BRPF3: variants seen among roughly 807,000 people sequenced by gnomAD.
BRPF3 encodes bromodomain and PHD finger-containing protein 3.
BRPF3 carries 18 observed loss-of-function variants against 102.0 expected under a neutral mutation model. The ratio of observed to expected loss-of-function variants is 0.18; its 90% CI spans 0.12 to 0.26. BRPF3 has a LOEUF of 0.26. Among genes scored for constraint, BRPF3 ranks in the 10% least tolerant of loss-of-function variants. BRPF3 has a pLI of 1.00. For missense variants in BRPF3, 1,147 were observed against 1,567.8 expected (o/e 0.73, Z 4.53); for synonymous variants, 570 against 614.2 (o/e 0.93, Z 1.06).
rs1767511576 is a variant in BRPF3, at chr6:36,196,936, G to A, written c.-61G>A. 1.3e-5 allele frequency: 2 copies of A among 151,658 alleles called. No homozygotes were observed. The highest frequency in any genetic ancestry group is 1.5e-5 in the Non-Finnish European group (1 of 67,758). The allele number at this position is 151,658 out of a possible 1,614,324, so 9.4% of individuals were successfully genotyped here. The stretch of plus-strand genomic sequence containing the variant: ...CGGCGGCCTGCCCGCCCGCGCCCAG[G>A]GGCCCCGAACGGTGGGGCCGGGCAG... On this transcript the variant is annotated 5_prime_UTR_variant, in exon 1 of 13. Transcript: ENST00000357641.
Position 36,201,124 on chromosome 6 carries a change from G to T in BRPF3, c.802G>T (p.Asp268Tyr). ...CCLQSPSRPVDCILCPNKGGA... is the reference protein window; with the variant it reads ...CCLQSPSRPVYCILCPNKGGA... Reference sequence around the variant, plus strand: ...CCTGCAGTCTCCCTCCCGGCCTGTGGATTGCATCCTTTGCCCCAATAAGGG... The same window carrying T: ...CCTGCAGTCTCCCTCCCGGCCTGTGTATTGCATCCTTTGCCCCAATAAGGG... The change falls in exon 2 of 13, where the codon GAT becomes TAT. Residue 268 changes from aspartate (D) to tyrosine (Y), a missense_variant. Asp to Tyr is a radical substitution (Grantham distance 160, BLOSUM62 -3). Around this residue, in one of 11 missense-constraint regions of BRPF3, gnomAD observed 221 missense variants for 337.1 expected, o/e 0.66. Transcript: ENST00000357641. This position sits in a 1 kb window ranked among gnomAD's most constrained non-coding sequence, Gnocchi z 5.1. 1 of 1,614,162 alleles carries T rather than the reference G, an allele frequency of 6.2e-7. No individual in the cohort carries two copies. The highest frequency in any genetic ancestry group is 1.1e-5 in the South Asian group (1 of 91,074).
intron 9 of BRPF3, among the ~76,000 whole-genome samples, chr6:36,219,400 A>G (rs1178542371): frequency 5.3e-5 from 8 of 152,198 alleles, no homozygotes; most frequent in Non-Finnish European, 7.3e-5. Flanking sequence ...CCTGGGTTGA[A>G]GTTCCTGACT....
At chr6:36,218,112 C>T (rs1768397633) in intron 9 of BRPF3, 102 bp downstream of exon 9, 1 of 964,228 alleles carries the variant, frequency 1.0e-6, no homozygotes, top group Non-Finnish European at 1.6e-6. Flanking sequence ...CTTTTTCTCT[C>T]TTCCCCCACT....
intron 11 of BRPF3, among the ~76,000 whole-genome samples, chr6:36,228,081 G>C (rs1024877197): frequency 2.0e-5 from 3 of 152,190 alleles, no homozygotes; most frequent in Non-Finnish European, 4.4e-5. Flanking sequence ...GCCTTGTTTG[G>C]TTTTAGTACC....
At chr6:36,197,853 A>G (rs990535209) in intron 1 of BRPF3, among the ~76,000 whole-genome samples, 10 of 152,274 alleles carry the variant, frequency 6.6e-5, no homozygotes, top group Admixed American at 5.9e-4. Context: ...GGGTGGGACA[A>G]AACACGTCTG....
At chr6:36,221,166 T>C (rs1768525243) in intron 9 of BRPF3, among the ~76,000 whole-genome samples, 1 of 152,192 alleles carries the variant, frequency 6.6e-6, no homozygotes, top group African/African-American at 2.4e-5. Flanking sequence ...CCGGGTGGGC[T>C]TCAGTTGCAA....
Position 36,209,929 on chromosome 6 carries a change from A to T in BRPF3, c.1866+14A>T, listed in dbSNP as rs192780410. 1.7e-5 allele frequency: 27 copies of T among 1,613,504 alleles called. No individual in the cohort carries two copies. In the East Asian group the frequency reaches 5.8e-4, roughly 35 times the overall value. ...AACTTGAGTGAGGCAAGTTCCCCCT[A>T]CTTTCCAAGTAGTAAATTCTTCTTG... On this transcript the variant is annotated intron_variant, in intron 5 of 12. Coordinates refer to ENST00000357641, the MANE Select transcript of BRPF3 (RefSeq NM_015695.3).
chr6:36,217,018 A>G (rs1351287566), intron 8 of BRPF3, among the ~76,000 whole-genome samples: 2 of 152,190 alleles, frequency 1.3e-5, no homozygotes, highest in South Asian at 2.1e-4. Flanking sequence ...CGCCTGGGCA[A>G]CAGAGCGAGA....
chr6:36,209,153 A>T (rs1768006906), intron 4 of BRPF3, among the ~76,000 whole-genome samples: 3 of 152,048 alleles, frequency 2.0e-5, no homozygotes, highest in Non-Finnish European at 4.4e-5. Context: ...ACATTTTTTT[A>T]ATTTGTATTT....
At chr6:36,198,266 A>G (rs1767576505) in intron 1 of BRPF3, among the ~76,000 whole-genome samples, 1 of 152,212 alleles carries the variant, frequency 6.6e-6, no homozygotes, top group South Asian at 2.1e-4. Context: ...CTTTCAAGTA[A>G]AGATGTTAAT....
In BRPF3 at chr6:36,231,567, CCTT is replaced by C. The variant is rs904567893; in HGVS notation, c.*964_*966del. The C allele has an allele frequency of 7.3e-5, 11 of 151,634 alleles. No homozygotes were observed. Among genetic ancestry groups the C allele is most frequent in the South Asian group, 2.1e-4 (1 of 4,812 alleles). The allele number at this position is 151,634 out of a possible 1,614,324, so 9.4% of individuals were successfully genotyped here. ...GGGTCTGCCCTCTTCCCCCTTTTCT[CCTT>C]CTTCTCTCCTCATGGACTTTTTCTG... On this transcript the variant is annotated 3_prime_UTR_variant, in exon 13 of 13. Coordinates refer to ENST00000357641, the MANE Select transcript of BRPF3 (RefSeq NM_015695.3).
chr6:36,205,906 T>G lies in BRPF3; in HGVS notation c.1605+1092T>G, dbSNP rs1767888878. ...TGTTGTTAATTTGTAACTCAAATAT[T>G]GGAAATTAATTATCTTTTTTCCTCT... On this transcript the variant is annotated intron_variant, in intron 3 of 12. Coordinates refer to ENST00000357641, the MANE Select transcript of BRPF3 (RefSeq NM_015695.3). 2.0e-5 allele frequency among the ~76,000 whole-genome samples: 3 copies of G among 152,258 alleles called. No homozygotes were observed. The South Asian group carries it at 6.2e-4, about 31-fold the overall frequency.
At chr6:36,205,507 G>C (rs4140602) in intron 3 of BRPF3, among the ~76,000 whole-genome samples, 148,352 of 152,320 alleles carry the variant, frequency 0.97, 72,245 homozygotes, top group East Asian at 1. Flanking sequence ...TATCTGGCCC[G>C]CCTTGAACCT....
At position 36,230,707 on chromosome 6, in the gene BRPF3, C is replaced by T. The variant is rs1768911377; in HGVS notation, c.*98C>T. 7.1e-7 allele frequency: 1 copy of T among 1,409,504 alleles called. No homozygotes were observed. Among genetic ancestry groups the T allele is most frequent in the South Asian group, 1.4e-5 (1 of 71,874 alleles). The allele number at this position is 1,409,504 out of a possible 1,614,324, so 87.3% of individuals were successfully genotyped here. A position where few individuals can be genotyped will look rare whatever the true frequency, so the allele number is the denominator to read the frequency against. On this transcript the variant is annotated 3_prime_UTR_variant, in exon 13 of 13. Transcript: ENST00000357641. This position sits in a 1 kb window ranked among gnomAD's most constrained non-coding sequence, Gnocchi z 5.4. Reference sequence around the variant, plus strand: ...GCCAGATGTATGGCCGGCAGCTTCCCCCTCTCATGGTAGGCCAGGGACTGG... The same window carrying T: ...GCCAGATGTATGGCCGGCAGCTTCCTCCTCTCATGGTAGGCCAGGGACTGG...
chr6:36,222,312 G>A, intron 10 of BRPF3, 47 bp downstream of exon 10: 1 of 1,507,882 alleles, frequency 6.6e-7, no homozygotes, highest in Non-Finnish European at 9.0e-7. Context: ...GGCCTTCTGA[G>A]GAGCCAGCTC....
In BRPF3 at chr6:36,210,390, C is replaced by T. The variant is rs1768058607; in HGVS notation, c.2041C>T (p.Arg681Cys). 3.7e-6 allele frequency: 6 copies of T among 1,614,070 alleles called. No individual in the cohort carries two copies. The highest frequency in any genetic ancestry group is 5.1e-6 in the Non-Finnish European group (6 of 1,180,048). Residue 681 changes from arginine (R) to cysteine (C), a missense_variant, in exon 6 of 13, where the codon CGC (arginine) becomes TGC (cysteine). Arg to Cys is a radical substitution (Grantham distance 180). Transcript: ENST00000357641. The surrounding 1 kb of genome is among the most constrained non-coding windows in gnomAD (Gnocchi z 4.7). ...KDTIFHRAAV[R>C]LRDLGGAILR... ...CACAATTTTCCACCGAGCAGCTGTC[C>T]GCCTGCGGGACCTGGGAGGGGCCAT...
In BRPF3 at chr6:36,209,805, G is replaced by T; in HGVS notation, c.1756G>T (p.Ala586Ser). Residue 586 changes from alanine to serine, a missense_variant, in exon 5 of 13, where the codon GCC becomes TCC. Physicochemically the swap from Ala to Ser is moderately conservative, Grantham distance 99 (BLOSUM62 1). This residue lies in a region of BRPF3 where 44 missense variants were observed against 38.6 expected (regional missense o/e 1.14). Coordinates refer to ENST00000357641, the MANE Select transcript of BRPF3 (RefSeq NM_015695.3). ...CCCACAGGTCAAAGTCCAGCAGGCT[G>T]CCATGGAGCTGGAGCTGATGCCATT... ...KREQVKVQQAAMELELMPFNV... is the reference protein window; with the variant it reads ...KREQVKVQQASMELELMPFNV... 6.2e-7 allele frequency: 1 copy of T among 1,614,190 alleles called. No individual in the cohort carries two copies. The highest frequency in any genetic ancestry group is 8.5e-7 in the Non-Finnish European group (1 of 1,180,002).
chr6:36,222,378 C>G (rs762961605), intron 10 of BRPF3, 113 bp downstream of exon 10: 4 of 978,476 alleles, frequency 4.1e-6, no homozygotes, highest in Non-Finnish European at 6.2e-6. Context: ...TTGAGCTCCC[C>G]CAAACTCTTG....
intron 8 of BRPF3, among the ~76,000 whole-genome samples, chr6:36,215,407 A>C (rs1768292596): frequency 6.6e-6 from 1 of 152,122 alleles, no homozygotes; most frequent in Non-Finnish European, 1.5e-5. Context: ...ACCGCGCCCC[A>C]CCTAAAGTGT....
Sources: allele counts gnomAD v4.1 joint callset (sites outside exome capture counted in the v4.1 genomes callset), GRCh38; gene constraint gnomAD v4.1.1; regional missense constraint gnomAD v4.1.1; non-coding constraint Gnocchi (gnomAD v3.1); transcripts MANE v1.5; gene names NCBI Gene and HGNC (gene_info 2026-07-23, HGNC 2026-07-21).